Variants in ZFR observed in about 807,000 individuals in gnomAD.
ZFR encodes the protein zinc finger RNA binding protein.
ZFR carries 19 observed loss-of-function variants against 130.7 expected under a neutral mutation model. That is an observed-to-expected ratio of 0.15 (90% CI 0.10 to 0.21). The LOEUF (loss-of-function observed/expected upper bound fraction) is 0.21. Among genes scored for constraint, ZFR ranks in the 10% least tolerant of loss-of-function variants. The probability of loss-of-function intolerance (pLI) is 1.00; values close to 1 mark genes in which losing one functional copy is unlikely to be tolerated. For missense variants in ZFR, 872 were observed against 1,321.5 expected (o/e 0.66, Z 5.27); for synonymous variants, 466 against 456.9 (o/e 1.02, Z -0.25).
At chr5:32,413,224 A>G (rs952011512) in intron 5 of ZFR, among the ~76,000 whole-genome samples, 1 of 138,996 alleles carries the variant, frequency 7.2e-6, no homozygotes, top group Non-Finnish European at 1.6e-5. Flanking sequence ...AACAAAAAAC[A>G]AAACAAAACA....
intron 15 of ZFR, among the ~76,000 whole-genome samples, chr5:32,381,719 T>C (rs1349065293): frequency 2.0e-5 from 3 of 152,234 alleles, no homozygotes; most frequent in Admixed American, 2.0e-4. Context: ...TAAGGTTTCT[T>C]TTTCTTAGTT....
chr5:32,400,898 A>T (rs919707349), intron 8 of ZFR, among the ~76,000 whole-genome samples: 16 of 152,232 alleles, frequency 1.1e-4, no homozygotes, highest in East Asian at 3.8e-4. Context: ...TAGAAAAATT[A>T]AAAAAAGTTA....
At chr5:32,406,245 A>G (rs996454000) in intron 6 of ZFR, among the ~76,000 whole-genome samples, 1 of 152,218 alleles carries the variant, frequency 6.6e-6, no homozygotes, top group African/African-American at 2.4e-5. Context: ...TTTTTGAAAA[A>G]GACACTTCTT....
chr5:32,406,951 C>T lies in ZFR; in HGVS notation c.855G>A (p.Gln285=). The change falls in exon 6 of 20, where the codon CAG becomes CAA. Residue 285 remains glutamine, a synonymous_variant. Transcript: ENST00000265069. ...CTGCTGCTGCTGCCTGCTTCTGTTG[C>T]TGCTGCTGCTGTTGATAGTAGGAAG... is the stretch of plus-strand genomic sequence containing the variant. ...AASSYYQQQQ[Q]QQKQAAAAAA... is the part of the protein sequence containing the mutation. The T allele has an allele frequency of 6.3e-7, 1 of 1,590,222 alleles. No homozygotes were observed. The highest frequency in any genetic ancestry group is 1.4e-5 in the African/African-American group (1 of 73,266).
intron 19 of ZFR, among the ~76,000 whole-genome samples, chr5:32,361,811 C>A (rs557957360): frequency 2.6e-5 from 4 of 152,002 alleles, no homozygotes; most frequent in Non-Finnish European, 5.9e-5. Context: ...TTAGTAGACA[C>A]AGGGTTTTGC....
chr5:32,438,777 A>G (rs1157853784), intron 2 of ZFR, among the ~76,000 whole-genome samples: 1 of 152,184 alleles, frequency 6.6e-6, no homozygotes, highest in Non-Finnish European at 1.5e-5. Context: ...ATCCTTCTAA[A>G]ACCCTTATAA....
rs922172098 is a variant in ZFR, at chr5:32,354,972, T to G, written c.*788A>C. ...AAAGATCTACGTGTTAAACCTAAAATTATGATTTTAAAAGTCTATTAAAAA... is the reference window on the plus strand; with the variant it reads ...AAAGATCTACGTGTTAAACCTAAAAGTATGATTTTAAAAGTCTATTAAAAA... On this transcript the variant is annotated 3_prime_UTR_variant, in exon 20 of 20. Coordinates refer to ENST00000265069, the MANE Select transcript of ZFR (RefSeq NM_016107.5). The G allele has an allele frequency of 1.3e-5, 2 of 152,236 alleles. No homozygotes were observed. The highest frequency in any genetic ancestry group is 2.9e-5 in the Non-Finnish European group (2 of 68,036). The allele number at this position is 152,236 out of a possible 1,614,324, so 9.4% of individuals were successfully genotyped here.
intron 5 of ZFR, 52 bp from the exon 6 acceptor site, chr5:32,407,073 A>G (rs1753594606): frequency 7.3e-6 from 10 of 1,370,456 alleles, no homozygotes; most frequent in Non-Finnish European, 9.6e-6. Context: ...TAGAAGGACA[A>G]GTTAAAATTT....
rs111402302 is a variant in ZFR, at chr5:32,438,329, T to C, written c.137+5900A>G. Among the ~76,000 whole-genome samples the C allele has an allele frequency of 5.0e-3, 715 of 141,838 alleles. 7 individuals carry two copies. Among genetic ancestry groups the C allele is most frequent in the African/African-American group, 0.017 (666 of 38,932 alleles). The allele number at this position is 141,838 out of a possible 152,430, so 93.1% of individuals were successfully genotyped here. ...CCCAGGCTGGAGTGCAATGGCGCGA[T>C]CTTGGCTCACCGCAACCTCCACCTC... On this transcript the variant is annotated intron_variant, in intron 2 of 19. Transcript: ENST00000265069.
chr5:32,369,806 T>A (rs1382054543), intron 17 of ZFR, among the ~76,000 whole-genome samples: 1 of 152,126 alleles, frequency 6.6e-6, no homozygotes, highest in Non-Finnish European at 1.5e-5. Context: ...AGTGAAACTC[T>A]GTCTTAAAAA....
intron 17 of ZFR, among the ~76,000 whole-genome samples, chr5:32,372,438 G>A (rs1354432445): frequency 6.6e-6 from 1 of 152,112 alleles, no homozygotes; most frequent in Non-Finnish European, 1.5e-5. Context: ...TGAAAAACGT[G>A]AGTTTGAACT....
chr5:32,434,648 G>A (rs1022637492), intron 2 of ZFR, among the ~76,000 whole-genome samples: 13 of 152,256 alleles, frequency 8.5e-5, no homozygotes, highest in South Asian at 2.1e-4. Context: ...TTGGGAATAC[G>A]TGATAGAGGA....
At chr5:32,428,665 G>C (rs1754130197) in intron 2 of ZFR, among the ~76,000 whole-genome samples, 2 of 152,204 alleles carry the variant, frequency 1.3e-5, no homozygotes. Context: ...AGAAGTCACA[G>C]AGCAGCACCA....
At chr5:32,371,875 A>C (rs539646882) in intron 17 of ZFR, among the ~76,000 whole-genome samples, 1 of 152,150 alleles carries the variant, frequency 6.6e-6, no homozygotes, top group South Asian at 2.1e-4. Context: ...AAAAAAAAAA[A>C]ACTTCATAGA....
intron 2 of ZFR, among the ~76,000 whole-genome samples, chr5:32,427,571 T>A (rs1219932275): frequency 6.6e-6 from 1 of 152,096 alleles, no homozygotes; most frequent in Non-Finnish European, 1.5e-5. Context: ...CTACCCAAAG[T>A]GATCTAAAAA....
intron 19 of ZFR, among the ~76,000 whole-genome samples, chr5:32,359,231 C>T (rs971618203): frequency 6.6e-6 from 1 of 152,054 alleles, no homozygotes; most frequent in African/African-American, 2.4e-5. Context: ...TCTGTCCAAT[C>T]CGTGGCCCTC....
At chr5:32,390,239 A>G (rs1753135347) in intron 12 of ZFR, 36 bp downstream of exon 12, 1 of 1,589,742 alleles carries the variant, frequency 6.3e-7, no homozygotes, top group Non-Finnish European at 8.6e-7. Context: ...AACCAGTCAA[A>G]CTTTCACCCC....
At chr5:32,392,339 A>T (rs779184929) in intron 11 of ZFR, among the ~76,000 whole-genome samples, 3 of 152,242 alleles carry the variant, frequency 2.0e-5, no homozygotes, top group Non-Finnish European at 4.4e-5. Flanking sequence ...GCTATAGAAG[A>T]GAATTCCCAA....
chr5:32,415,597 A>G (rs1368431471), intron 4 of ZFR, among the ~76,000 whole-genome samples: 2 of 152,126 alleles, frequency 1.3e-5, no homozygotes, highest in Non-Finnish European at 2.9e-5. Flanking sequence ...TACAATGTAC[A>G]TATTTCAATT....
Sources: gnomAD v4.1 joint callset for allele counts (sites outside exome capture counted in the v4.1 genomes callset) on GRCh38, gnomAD v4.1.1 for gene constraint, MANE v1.5 for transcripts, NCBI Gene and HGNC (gene_info 2026-07-23, HGNC 2026-07-21) for gene names.